The following ST8SIA3 variants were observed in gnomAD, a reference collection of about 807,000 sequenced individuals.
The protein encoded by ST8SIA3 is ST8 alpha-N-acetyl-neuraminide alpha-2,8-sialyltransferase 3.
In ST8SIA3, 17 loss-of-function variants were observed where a neutral mutation model predicts 34.5. That is an observed-to-expected ratio of 0.49 (90% confidence interval 0.34 to 0.74). The LOEUF is 0.74. Ranked by LOEUF, ST8SIA3 falls within the 30% of genes least tolerant of loss-of-function variation. The pLI is 0.01. For missense variants in ST8SIA3, 354 were observed against 467.8 expected, an observed-to-expected ratio of 0.76 and a Z score of 2.24; for synonymous variants, 172 against 176.1, an observed-to-expected ratio of 0.98 and a Z score of 0.19.
chr18:57,352,868 C>A lies in ST8SIA3; in HGVS notation c.22C>A (p.Arg8=). The A allele has an allele frequency of 6.2e-7, 1 of 1,613,704 alleles. No individual in the cohort carries two copies. The highest frequency in any genetic ancestry group is 8.5e-7 in the Non-Finnish European group (1 of 1,179,972). The stretch of plus-strand genomic sequence containing the variant: ...CGGGATGAGAAACTGCAAAATGGCC[C>A]GGGTCGCCAGTGTGCTGGGGCTGGT... The part of the protein sequence containing the change: MRNCKMA[R]VASVLGLVML... Residue 8 remains arginine (R), a synonymous_variant, in exon 1 of 4, where the codon CGG becomes AGG. Coordinates refer to ENST00000324000, the MANE Select transcript of ST8SIA3 (RefSeq NM_015879.3).
At chr18:57,356,886 C>G (rs1354950668) in intron 2 of ST8SIA3, 27 bp from the exon 3 acceptor site, 5 of 1,411,802 alleles carry the variant, frequency 3.5e-6, no homozygotes, top group South Asian at 2.6e-5. Context: ...GAATGGAATG[C>G]TTTTCATGAA....
chr18:57,353,069 A>G (rs1333129237), intron 1 of ST8SIA3, 44 bp downstream of exon 1: 1 of 1,588,238 alleles, frequency 6.3e-7, no homozygotes, highest in East Asian at 2.2e-5. Flanking sequence ...AATTTGGTTG[A>G]TGGGGTGTTT....
chr18:57,353,130 T>A (rs1164376302), intron 1 of ST8SIA3, 105 bp downstream of exon 1: 1 of 1,155,680 alleles, frequency 8.7e-7, no homozygotes, highest in African/African-American at 1.5e-5. Context: ...CGAGACTCTT[T>A]GGGCCAGATA....
chr18:57,353,105 G>T, intron 1 of ST8SIA3, 80 bp downstream of exon 1: 1 of 1,488,388 alleles, frequency 6.7e-7, no homozygotes, highest in Non-Finnish European at 9.1e-7. Context: ...TGGGGGAGGG[G>T]TGTTTTGGCC....
chr18:57,353,028 G>GAGTGC lies in ST8SIA3; in HGVS notation c.179+4_179+8dup, dbSNP rs1185506405. Reference sequence around the variant, plus strand: ...TACATGTTCCACGCGGGATTCCGGTGAGTGCGGGCCTCTGTGTTAGTGCCC... The same window carrying GAGTGC: ...TACATGTTCCACGCGGGATTCCGGTGAGTGCAGTGCGGGCCTCTGTGTTAGTGCCC... On this transcript the variant is annotated splice_donor_region_variant and intron_variant, in intron 1 of 3. Transcript: ENST00000324000. 6.2e-7 allele frequency: 1 copy of GAGTGC among 1,605,740 alleles called. No homozygotes were observed. Among genetic ancestry groups the GAGTGC allele is most frequent in the Non-Finnish European group, 8.5e-7 (1 of 1,179,878 alleles).
Position 57,357,071 on chromosome 18 carries a change from T to C in ST8SIA3, c.461T>C (p.Ile154Thr). Residue 154 changes from isoleucine (I) to threonine (T), a missense_variant, in exon 3 of 4, where the codon ATT becomes ACT. Around this residue, in one of 3 missense-constraint regions of ST8SIA3, gnomAD observed 184 missense variants for 205.4 expected, o/e 0.90. Transcript: ENST00000324000. ...FRSLLPDVSP[I>T]MNKHYNICAV... ...TCACTTCTTCCAGATGTGTCACCCA[T>C]TATGAACAAGCATTATAATATTTGT... 1 of 1,614,134 alleles carries C rather than the reference T, an allele frequency of 6.2e-7. No homozygotes were observed. The highest frequency in any genetic ancestry group is 8.5e-7 in the Non-Finnish European group (1 of 1,179,994).
intron 3 of ST8SIA3, among the ~76,000 whole-genome samples, chr18:57,358,319 A>C (rs1451968644): frequency 6.6e-6 from 1 of 152,190 alleles, no homozygotes; most frequent in African/African-American, 2.4e-5. Context: ...AATTATCTCA[A>C]CTTCAGTTTC....
At position 57,352,936 on chromosome 18, in the gene ST8SIA3, C is replaced by G; in HGVS notation, c.90C>G (p.Tyr30Ter). 1 of 1,613,584 alleles carries G rather than the reference C, an allele frequency of 6.2e-7. No homozygotes were observed. Among genetic ancestry groups the G allele is most frequent in the Non-Finnish European group, 8.5e-7 (1 of 1,179,932 alleles). ...TGCTGATTTTATCGCTCATCAGCTACGTGTCCCTGAAAAAGGAGAACATCT... is the reference window on the plus strand; with the variant it reads ...TGCTGATTTTATCGCTCATCAGCTAGGTGTCCCTGAAAAAGGAGAACATCT... ...VALLILSLISYVSLKKENIFT... is the reference protein window; with the variant it reads ...VALLILSLIS The change falls in exon 1 of 4, where the codon TAC (tyrosine) becomes TAG (stop). Residue 30 changes from tyrosine to a stop codon, truncating the protein, a stop_gained. Coordinates refer to ENST00000324000, the MANE Select transcript of ST8SIA3 (RefSeq NM_015879.3). LOFTEE classifies it high-confidence loss of function.
intron 1 of ST8SIA3, 33 bp from the exon 2 acceptor site, chr18:57,354,369 A>G (rs1031998233): frequency 6.2e-7 from 1 of 1,613,236 alleles, no homozygotes; most frequent in South Asian, 1.1e-5. Context: ...AGCTGAGGCC[A>G]GCACGCTTGT....
Position 57,356,994 on chromosome 18 carries a change from C to T in ST8SIA3, c.384C>T (p.His128=). 1.2e-6 allele frequency: 2 copies of T among 1,613,998 alleles called. No individual in the cohort carries two copies. The highest frequency in any genetic ancestry group is 8.5e-7 in the Non-Finnish European group (1 of 1,179,896). Residue 128 remains histidine, a synonymous_variant, in exon 3 of 4, where the codon CAC becomes CAT. Transcript: ENST00000324000. ...GTGTTCGGATTGGACAACTGATGCA[C>T]TATGATTATTCCAGCCATAAATATG... is the stretch of plus-strand genomic sequence containing the variant. ...KNSVRIGQLM[H]YDYSSHKYVF... is the part of the protein sequence containing the mutation.
In ST8SIA3 at chr18:57,356,937, T is replaced by C. The variant is rs183956999; in HGVS notation, c.327T>C (p.Asp109=). Residue 109 remains aspartate, a synonymous_variant, in exon 3 of 4, where the codon GAT becomes GAC. Coordinates refer to ENST00000324000, the MANE Select transcript of ST8SIA3 (RefSeq NM_015879.3). ...GGCAAGAAATTCTTCAGCATGTCGA[T>C]GTAATAAAAAATTTTTCTTTGACCA... ...HQRQEILQHV[D]VIKNFSLTKN... is the part of the protein sequence containing the mutation. The C allele has an allele frequency of 6.2e-7, 1 of 1,600,590 alleles. No individual in the cohort carries two copies. Among genetic ancestry groups the C allele is most frequent in the Non-Finnish European group, 8.5e-7 (1 of 1,173,108 alleles).
At chr18:57,356,504 T>C (rs1035560718) in intron 2 of ST8SIA3, among the ~76,000 whole-genome samples, 27 of 152,222 alleles carry the variant, frequency 1.8e-4, no homozygotes, top group Admixed American at 1.4e-3. Context: ...AGCAAACAAG[T>C]AGACCCTAGT....
intron 2 of ST8SIA3, among the ~76,000 whole-genome samples, chr18:57,356,063 C>A (rs752177585): frequency 6.6e-6 from 1 of 152,172 alleles, no homozygotes; most frequent in Non-Finnish European, 1.5e-5. Flanking sequence ...AATCTAGCAG[C>A]AGTAGCATGT....
At position 57,366,289 on chromosome 18, in the gene ST8SIA3, A is replaced by T. The variant is rs1205512535; in HGVS notation, c.*6012A>T. The T allele has an allele frequency of 1.3e-5, 2 of 152,462 alleles. No homozygotes were observed. Among genetic ancestry groups the T allele is most frequent in the Non-Finnish European group, 2.9e-5 (2 of 68,032 alleles). 9.4% of individuals were successfully genotyped at this position (152,462 alleles called of 1,614,324 possible). Reference sequence around the variant, plus strand: ...TTTTAGTAAAAGAGCATATTATTGGATCCCAAGGTGTTCAAATATTCCACG... The same window carrying T: ...TTTTAGTAAAAGAGCATATTATTGGTTCCCAAGGTGTTCAAATATTCCACG... On this transcript the variant is annotated 3_prime_UTR_variant, in exon 4 of 4. Transcript: ENST00000324000.
Position 57,363,391 on chromosome 18 carries a change from C to T in ST8SIA3, c.*3114C>T, listed in dbSNP as rs920705861. 2.6e-5 allele frequency: 4 copies of T among 152,216 alleles called. No individual in the cohort carries two copies. The highest frequency in any genetic ancestry group is 4.4e-5 in the Non-Finnish European group (3 of 68,042). The allele number at this position is 152,216 out of a possible 1,614,324, so 9.4% of individuals were successfully genotyped here. Reference sequence around the variant, plus strand: ...ATTATTAAAATATCTATCATTTCTCCACCTTGTGTCTGTGTCTTAAGTGTC... The same window carrying T: ...ATTATTAAAATATCTATCATTTCTCTACCTTGTGTCTGTGTCTTAAGTGTC... On this transcript the variant is annotated 3_prime_UTR_variant, in exon 4 of 4. Coordinates refer to ENST00000324000, the MANE Select transcript of ST8SIA3 (RefSeq NM_015879.3).
chr18:57,359,953 C>T (rs748840372), intron 3 of ST8SIA3, 42 bp from the exon 4 acceptor site: 9 of 1,572,828 alleles, frequency 5.7e-6, no homozygotes, highest in Non-Finnish European at 7.8e-6. Flanking sequence ...TTGAAACTTT[C>T]AACGCTGACC....
intron 3 of ST8SIA3, among the ~76,000 whole-genome samples, chr18:57,359,262 A>G (rs1440366921): frequency 2.6e-5 from 4 of 152,218 alleles, no homozygotes; most frequent in East Asian, 1.9e-4. Context: ...GAGTATTAAT[A>G]TTATTTAAAT....
chr18:57,362,188 C>T lies in ST8SIA3; in HGVS notation c.*1911C>T, dbSNP rs537870284. 1.2e-4 allele frequency: 18 copies of T among 152,258 alleles called. No homozygotes were observed. The South Asian group carries it at 2.9e-3, about 25-fold the overall frequency. 9.4% of individuals were successfully genotyped at this position (152,258 alleles called of 1,614,324 possible). ...AATTTGATGGGTATCACAACCACAC[C>T]GTGTTTGTTCCCTGTCCCTTTGAAG... On this transcript the variant is annotated 3_prime_UTR_variant, in exon 4 of 4. Transcript: ENST00000324000.
At chr18:57,354,801 T>G (rs373664507) in intron 2 of ST8SIA3, among the ~76,000 whole-genome samples, 2 of 151,680 alleles carry the variant, frequency 1.3e-5, no homozygotes, top group Admixed American at 6.6e-5. Context: ...TGGGCTTGAT[T>G]GAGCACCATG....
Sources: allele counts gnomAD v4.1 joint callset (sites outside exome capture counted in the v4.1 genomes callset), GRCh38; gene constraint gnomAD v4.1.1; regional missense constraint gnomAD v4.1.1; transcripts MANE v1.5; gene names NCBI Gene and HGNC (gene_info 2026-07-23, HGNC 2026-07-21).